RBFOX3: variants seen among roughly 807,000 people sequenced by gnomAD.
RBFOX3 encodes the protein RNA binding protein fox-1 homolog 3.
In RBFOX3, 17 loss-of-function variants were observed where a neutral mutation model predicts 48.7. The ratio of observed to expected loss-of-function variants is 0.35; its 90% CI spans 0.24 to 0.52. The LOEUF (loss-of-function observed/expected upper bound fraction) is 0.52. Ranked by LOEUF, RBFOX3 falls within the 20% of genes least tolerant of loss-of-function variation. RBFOX3 has a pLI of 0.94. For missense variants in RBFOX3, 382 were observed against 497.5 expected, an observed-to-expected ratio of 0.77 and a Z score of 2.21; for synonymous variants, 212 against 209.5, an observed-to-expected ratio of 1.01 and a Z score of -0.10.
At chr17:79,606,673 C>T (rs985107364) in intron 1 of RBFOX3, among the ~76,000 whole-genome samples, 1 of 152,182 alleles carries the variant, frequency 6.6e-6, no homozygotes, top group African/African-American at 2.4e-5. Flanking sequence ...GTCTGTGTCA[C>T]GTGGTATTTC....
intron 2 of RBFOX3, among the ~76,000 whole-genome samples, chr17:79,478,306 TG>T (rs781844083): frequency 3.3e-5 from 5 of 152,074 alleles, no homozygotes; most frequent in South Asian, 4.2e-4. Flanking sequence ...TCCCTGAGGG[TG>T]GGGGCCGGGG....
the RBFOX3 span, among the ~76,000 whole-genome samples, chr17:79,630,944 C>T: frequency 1.3e-5 from 2 of 152,134 alleles, no homozygotes; most frequent in African/African-American, 4.8e-5. Flanking sequence ...GCACGACAGC[C>T]CCCGCCCCAC....
intron 3 of RBFOX3, among the ~76,000 whole-genome samples, chr17:79,238,438 G>T (rs2061903014): frequency 6.6e-6 from 1 of 152,180 alleles, no homozygotes; most frequent in African/African-American, 2.4e-5. Flanking sequence ...GGTGAAGCAG[G>T]ACTAAGCCAA....
chr17:79,576,107 A>T (rs1038346430), intron 1 of RBFOX3, among the ~76,000 whole-genome samples: 27 of 152,236 alleles, frequency 1.8e-4, no homozygotes. Flanking sequence ...CAGAAGGTGG[A>T]TGGGTAGGTC....
intron 4 of RBFOX3, among the ~76,000 whole-genome samples, chr17:79,129,449 G>A (rs964265865): frequency 9.6e-6 from 1 of 104,214 alleles, no homozygotes; most frequent in African/African-American, 3.2e-5. Context: ...AGGAAGGAGG[G>A]GTGGGCAGCA....
chr17:79,440,232 C>T (rs1220390858), intron 2 of RBFOX3, among the ~76,000 whole-genome samples: 4 of 152,218 alleles, frequency 2.6e-5, no homozygotes, highest in East Asian at 1.9e-4. Flanking sequence ...TAATAGCGTC[C>T]GTCTGAGCTG....
At chr17:79,189,567 T>A (rs1395724799) in intron 4 of RBFOX3, among the ~76,000 whole-genome samples, 1 of 152,222 alleles carries the variant, frequency 6.6e-6, no homozygotes, top group Non-Finnish European at 1.5e-5. Flanking sequence ...TTCCTCTTTC[T>A]CATTAGGCAG....
chr17:79,105,241 G>A (rs896198285), intron 6 of RBFOX3, among the ~76,000 whole-genome samples: 4 of 152,218 alleles, frequency 2.6e-5, no homozygotes, highest in Non-Finnish European at 4.4e-5. Flanking sequence ...AGTAACCTCC[G>A]TTCTGCAGGG....
Position 79,482,894 on chromosome 17 carries a change from T to G in RBFOX3, c.-319-296A>C, listed in dbSNP as rs1343000101. On this transcript the variant is annotated intron_variant, in intron 1 of 14. Coordinates refer to ENST00000693108, the MANE Select transcript of RBFOX3 (RefSeq NM_001350451.2). This position sits in a 1 kb window ranked among gnomAD's most constrained non-coding sequence, Gnocchi z 4.1. Reference sequence around the variant, plus strand: ...CCCTCTCCCAGCCCGCTTGCAATGGTCCCCCAATCCCAGGGACTCTTCCAC... The same window carrying G: ...CCCTCTCCCAGCCCGCTTGCAATGGGCCCCCAATCCCAGGGACTCTTCCAC... Among the ~76,000 whole-genome samples the G allele has an allele frequency of 1.3e-5, 2 of 151,522 alleles. No individual in the cohort carries two copies. The highest frequency in any genetic ancestry group is 2.9e-5 in the Non-Finnish European group (2 of 67,886).
intron 4 of RBFOX3, among the ~76,000 whole-genome samples, chr17:79,135,488 C>G (rs902663232): frequency 2.6e-5 from 4 of 152,184 alleles, no homozygotes; most frequent in Non-Finnish European, 1.5e-5. Flanking sequence ...GAGCCCCTTA[C>G]AGGATGCCCC....
At chr17:79,255,862 C>T (rs965252895) in intron 3 of RBFOX3, among the ~76,000 whole-genome samples, 1 of 151,362 alleles carries the variant, frequency 6.6e-6, no homozygotes, top group Non-Finnish European at 1.5e-5. Flanking sequence ...GGTGTAGGGA[C>T]TGAATCGACA....
At chr17:79,096,013 G>A (rs1056034087) in intron 12 of RBFOX3, among the ~76,000 whole-genome samples, 1 of 152,220 alleles carries the variant, frequency 6.6e-6, no homozygotes, top group African/African-American at 2.4e-5. Flanking sequence ...AGTGACTCTG[G>A]ATAGTGTCCT....
At chr17:79,356,347 A>ATTTTTTTTTT (rs1568100650) in intron 2 of RBFOX3, among the ~76,000 whole-genome samples, 1 of 66,952 alleles carries the variant, frequency 1.5e-5, no homozygotes, top group East Asian at 5.6e-4. Flanking sequence ...AAAACAGGGA[A>ATTTTTTTTTT]GTTTTTTTTT....
At chr17:79,133,819 G>T (rs549497699) in intron 4 of RBFOX3, among the ~76,000 whole-genome samples, 4 of 152,170 alleles carry the variant, frequency 2.6e-5, no homozygotes, top group Admixed American at 2.6e-4. Context: ...TGAGGACAAC[G>T]CAACAGGTCA....
At chr17:79,226,067 T>C (rs1183193594) in intron 4 of RBFOX3, among the ~76,000 whole-genome samples, 6 of 152,266 alleles carry the variant, frequency 3.9e-5, no homozygotes, top group Admixed American at 3.3e-4. Context: ...TGAGGCTTTC[T>C]GGGGAGAATA....
Position 79,186,563 on chromosome 17 carries a change from T to C in RBFOX3, c.-34+49203A>G, listed in dbSNP as rs2053446356. ...CCTTGTGGACTGGGGTGGGTGGCCC[T>C]GAGCAGGGGGTGGGGGAAGCCTGTG... On this transcript the variant is annotated intron_variant, in intron 4 of 14. Transcript: ENST00000693108. Among the ~76,000 whole-genome samples, 4 of 152,062 alleles carry C rather than the reference T, an allele frequency of 2.6e-5. No individual in the cohort carries two copies. In the South Asian group the frequency reaches 8.3e-4, roughly 31 times the overall value.
At chr17:79,143,425 A>C in intron 4 of RBFOX3, among the ~76,000 whole-genome samples, 1 of 149,906 alleles carries the variant, frequency 6.7e-6, no homozygotes, top group Non-Finnish European at 1.5e-5. Flanking sequence ...CTCCTTCTCC[A>C]AGCCAGCTCC....
At chr17:79,478,493 C>G (rs2078298634) in intron 2 of RBFOX3, among the ~76,000 whole-genome samples, 1 of 152,234 alleles carries the variant, frequency 6.6e-6, no homozygotes, top group African/African-American at 2.4e-5. Flanking sequence ...GGGCAGAAGA[C>G]TTTGTTTATC....
chr17:79,194,753 G>GTGTGTGTGTGTGTGT (rs1555599582), intron 4 of RBFOX3, among the ~76,000 whole-genome samples: 149 of 149,122 alleles, frequency 1.0e-3, no homozygotes, highest in East Asian at 3.6e-3. Context: ...TGTGTGTGTG[G>GTGTGTGTGTGTGTGT]GTGTGTGTGT....
Sources: gnomAD v4.1 joint callset for allele counts (sites outside exome capture counted in the v4.1 genomes callset) on GRCh38, gnomAD v4.1.1 for gene constraint, Gnocchi (gnomAD v3.1) non-coding constraint, MANE v1.5 for transcripts, NCBI Gene and HGNC (gene_info 2026-07-23, HGNC 2026-07-21) for gene names.